Variants in RGS6 observed in about 807,000 individuals in gnomAD.
The protein encoded by RGS6 is regulator of G protein signaling 6.
A neutral mutation model predicts 78.5 loss-of-function variants in RGS6; 30 were observed. That is an observed-to-expected ratio of 0.38 (90% confidence interval 0.29 to 0.52). The LOEUF (loss-of-function observed/expected upper bound fraction) is 0.52, where lower values mean the gene tolerates loss of function less well. Among genes scored for constraint, RGS6 ranks in the 20% least tolerant of loss-of-function variants. The pLI is 0.85. For synonymous variants in RGS6, 206 were observed against 206.0 expected, an observed-to-expected ratio of 1.00 and a Z score of 0.00; for missense variants, 495 against 609.7, an observed-to-expected ratio of 0.81 and a Z score of 1.98.
chr14:71,954,197 T>C (rs1200383079), intron 1 of RGS6, among the ~76,000 whole-genome samples: 8 of 151,964 alleles, frequency 5.3e-5, no homozygotes, highest in Admixed American at 4.6e-4. Flanking sequence ...CTTTTCTGGA[T>C]CTGTGATTTA....
chr14:72,025,468 T>A (rs1313240586), intron 2 of RGS6, among the ~76,000 whole-genome samples: 1 of 152,052 alleles, frequency 6.6e-6, no homozygotes, highest in Non-Finnish European at 1.5e-5. Flanking sequence ...GTTGGGAATA[T>A]CAGGAGTGAT....
At chr14:72,339,215 G>A (rs181305614) in intron 2 of RGS6, among the ~76,000 whole-genome samples, 4 of 152,164 alleles carry the variant, frequency 2.6e-5, no homozygotes, top group Admixed American at 2.0e-4. Context: ...GGTCATTAGT[G>A]TTCTACCTCC....
At chr14:72,256,055 A>G (rs1441514767) in intron 2 of RGS6, among the ~76,000 whole-genome samples, 3 of 152,224 alleles carry the variant, frequency 2.0e-5, no homozygotes, top group Non-Finnish European at 4.4e-5. Context: ...CTGCACAGAC[A>G]GAGCCAAGGC....
chr14:72,342,071 G>A (rs985139370), intron 2 of RGS6, among the ~76,000 whole-genome samples: 14 of 152,232 alleles, frequency 9.2e-5, no homozygotes, highest in Middle Eastern at 3.4e-3. Context: ...TAATATTAAA[G>A]GCCTTATGTT....
intron 2 of RGS6, among the ~76,000 whole-genome samples, chr14:72,307,562 AT>A (rs2067543931): frequency 6.6e-6 from 1 of 152,202 alleles, no homozygotes; most frequent in African/African-American, 2.4e-5. Flanking sequence ...TATTTATCAA[AT>A]ACTGAGAGAC....
Position 72,520,214 on chromosome 14 carries a change from C to T in RGS6, c.1278+1677C>T, listed in dbSNP as rs372297088. On this transcript the variant is annotated intron_variant, in intron 15 of 17. Coordinates refer to ENST00000553525, the MANE Select transcript of RGS6 (RefSeq NM_001204424.2). The stretch of plus-strand genomic sequence containing the variant: ...ACAATATCCTTTATCTCCCTCCCTT[C>T]CTCACATCCCCTTGCAATTTATTTG... Among the ~76,000 whole-genome samples, 23 of 152,320 alleles carry T rather than the reference C, an allele frequency of 1.5e-4. No homozygotes were observed. In the South Asian group the frequency reaches 4.3e-3, roughly 29 times the overall value.
At chr14:71,930,908 C>A (rs1036342073), upstream of RGS6, among the ~76,000 whole-genome samples, 1 of 133,108 alleles carries the variant, frequency 7.5e-6, no homozygotes, top group Admixed American at 8.7e-5. Context: ...ACCTGGGAGG[C>A]GGAGGTTGCA....
At chr14:72,481,324 A>G (rs1401724441) in intron 12 of RGS6, among the ~76,000 whole-genome samples, 2 of 152,224 alleles carry the variant, frequency 1.3e-5, no homozygotes, top group Admixed American at 1.3e-4. Context: ...ATTCAAGGCC[A>G]TGAGACAGAA....
intron 2 of RGS6, among the ~76,000 whole-genome samples, chr14:72,280,983 G>A (rs1465762747): frequency 1.3e-5 from 2 of 152,148 alleles, no homozygotes; most frequent in African/African-American, 2.4e-5. Context: ...GAAATCCTAT[G>A]TAGGCAGATG....
chr14:72,377,728 A>G (rs1228420889), intron 3 of RGS6, among the ~76,000 whole-genome samples: 1 of 152,212 alleles, frequency 6.6e-6, no homozygotes, highest in Non-Finnish European at 1.5e-5. Flanking sequence ...CTATAATCCC[A>G]GCACTTTGGG....
Position 72,489,728 on chromosome 14 carries a change from G to A in RGS6, c.855-5424G>A, listed in dbSNP as rs866290975. ...GGAAAAGAAAGGAAAGGAAAGGAGA[G>A]GCAAGGCGAGGTGAGACGAGGCGAG... On this transcript the variant is annotated intron_variant, in intron 12 of 17. Coordinates refer to ENST00000553525, the MANE Select transcript of RGS6 (RefSeq NM_001204424.2). Among the ~76,000 whole-genome samples, 124 of 149,244 alleles carry A rather than the reference G, an allele frequency of 8.3e-4. 1 individual carries two copies. The highest frequency in any genetic ancestry group is 3.0e-3 in the African/African-American group (122 of 40,296).
At chr14:72,620,317 T>C in the RGS6 span, among the ~76,000 whole-genome samples, 152 of 152,346 alleles carry the variant, frequency 1.0e-3, no homozygotes, top group African/African-American at 3.4e-3. Flanking sequence ...CCAATAGCTC[T>C]GCTTCCAAAG....
intron 2 of RGS6, among the ~76,000 whole-genome samples, chr14:72,132,592 A>G (rs549750942): frequency 1.6e-4 from 25 of 152,028 alleles, no homozygotes; most frequent in Admixed American, 1.5e-3. Flanking sequence ...TTTTATATAC[A>G]TGCTGTATGT....
intron 8 of RGS6, among the ~76,000 whole-genome samples, chr14:72,471,031 C>G (rs1397156679): frequency 1.3e-5 from 2 of 152,112 alleles, no homozygotes; most frequent in Non-Finnish European, 2.9e-5. Flanking sequence ...CATAGGTGAC[C>G]CCTGTAAGTT....
the RGS6 span, among the ~76,000 whole-genome samples, chr14:71,909,447 GAGAC>G: frequency 4.6e-5 from 7 of 152,060 alleles, no homozygotes; most frequent in Admixed American, 3.9e-4. Flanking sequence ...GTATGTGTGA[GAGAC>G]AGACAGAGAC....
At chr14:72,394,934 G>A (rs2090846132) in intron 3 of RGS6, among the ~76,000 whole-genome samples, 2 of 152,136 alleles carry the variant, frequency 1.3e-5, no homozygotes, top group South Asian at 4.1e-4. Context: ...TTAATTTGGG[G>A]AACTAATTAG....
chr14:72,020,389 C>A (rs971255278), intron 2 of RGS6, among the ~76,000 whole-genome samples: 1 of 152,180 alleles, frequency 6.6e-6, no homozygotes, highest in African/African-American at 2.4e-5. Context: ...CAACTGTTAA[C>A]CTGTCCTAGG....
chr14:72,191,444 T>C (rs933430847), intron 2 of RGS6, among the ~76,000 whole-genome samples: 23 of 152,210 alleles, frequency 1.5e-4, no homozygotes, highest in African/African-American at 4.6e-4. Context: ...ATACCCCAGA[T>C]TGGGTAATTT....
Position 72,238,195 on chromosome 14 carries a change from C to T in RGS6, c.85-113900C>T, listed in dbSNP as rs189510162. Among the ~76,000 whole-genome samples, 653 of 152,282 alleles carry T rather than the reference C, an allele frequency of 4.3e-3. 5 individuals carry two copies. Among genetic ancestry groups the T allele is most frequent in the Non-Finnish European group, 8.1e-3 (549 of 68,020 alleles). On this transcript the variant is annotated intron_variant, in intron 2 of 17. Coordinates refer to ENST00000553525, the MANE Select transcript of RGS6 (RefSeq NM_001204424.2). ...AGCCGCATCTGTTTATAGTTTCGGA[C>T]ACTCAGTTGCTTCTCCTTTTCACGT...
Sources: gnomAD v4.1 joint callset for allele counts (sites outside exome capture counted in the v4.1 genomes callset) on GRCh38, gnomAD v4.1.1 for gene constraint, MANE v1.5 for transcripts, NCBI Gene and HGNC (gene_info 2026-07-23, HGNC 2026-07-21) for gene names.